Variants in FHIP2A observed in about 807,000 individuals in gnomAD.
The protein encoded by FHIP2A is family with sequence similarity 160 member B1.
FHIP2A carries 46 observed loss-of-function variants against 93.5 expected under a neutral mutation model. The observed-to-expected ratio is 0.49, with a 90% confidence interval of 0.39 to 0.63. FHIP2A has a LOEUF of 0.63. Among genes scored for constraint, FHIP2A ranks in the 20% least tolerant of loss-of-function variants. The probability of loss-of-function intolerance (pLI) is 0.00; values close to 1 mark genes in which losing one functional copy is unlikely to be tolerated. For missense variants in FHIP2A, 769 were observed against 909.7 expected, an observed-to-expected ratio of 0.85 and a Z score of 1.99; for synonymous variants, 332 against 326.5, an observed-to-expected ratio of 1.02 and a Z score of -0.18.
chr10:114,853,497 A>G (rs1407298766), intron 13 of FHIP2A, among the ~76,000 whole-genome samples: 1 of 152,218 alleles, frequency 6.6e-6, no homozygotes, highest in Non-Finnish European at 1.5e-5. Flanking sequence ...TCAAATAACA[A>G]TAAAGTAAAG....
At chr10:114,860,963 C>T in intron 15 of FHIP2A, 74 bp downstream of exon 15, 1 of 1,362,128 alleles carries the variant, frequency 7.3e-7, no homozygotes, top group Non-Finnish European at 1.0e-6. Flanking sequence ...TCATTGTATG[C>T]AGTTAGTGTC....
Position 114,855,289 on chromosome 10 carries a change from A to G in FHIP2A, c.1896A>G (p.Glu632=). The part of the protein sequence containing the change: ...EKCNLEAAFF[E]GHFLKVLFDR... ...GCAATTTAGAAGCTGCTTTCTTTGAAGGTCATTTTTTGAAAGTGCTGTTCG... is the reference window on the plus strand; with the variant it reads ...GCAATTTAGAAGCTGCTTTCTTTGAGGGTCATTTTTTGAAAGTGCTGTTCG... The change falls in exon 14 of 17, where the codon GAA becomes GAG. Residue 632 remains glutamate, a synonymous_variant. Coordinates refer to ENST00000369248, the MANE Select transcript of FHIP2A (RefSeq NM_020940.4). 2 of 1,614,034 alleles carry G rather than the reference A, an allele frequency of 1.2e-6. No individual in the cohort carries two copies. The highest frequency in any genetic ancestry group is 1.7e-6 in the Non-Finnish European group (2 of 1,179,916).
At chr10:114,890,429 A>ATGTG (rs898407071) in intron 16 of FHIP2A, among the ~76,000 whole-genome samples, 3 of 149,606 alleles carry the variant, frequency 2.0e-5, no homozygotes, top group African/African-American at 7.4e-5. Flanking sequence ...GATTATATAT[A>ATGTG]TGTGTGTGTG....
downstream of FHIP2A, among the ~76,000 whole-genome samples, chr10:114,868,690 G>T (rs796978493): frequency 4.6e-5 from 7 of 152,256 alleles, no homozygotes; most frequent in African/African-American, 1.7e-4. Flanking sequence ...GGGTCACTTT[G>T]CTCTTATATC....
chr10:114,827,522 G>T (rs907125555), intron 1 of FHIP2A, among the ~76,000 whole-genome samples: 1 of 152,320 alleles, frequency 6.6e-6, no homozygotes, highest in East Asian at 1.9e-4. Context: ...CATAGGCCGG[G>T]CCCGGTGGCT....
chr10:114,825,168 C>T (rs1055424973), intron 1 of FHIP2A, among the ~76,000 whole-genome samples: 2 of 152,130 alleles, frequency 1.3e-5, no homozygotes, highest in Non-Finnish European at 2.9e-5. Flanking sequence ...TAGGCCAGCA[C>T]CACCACACTC....
chr10:114,825,523 G>A (rs1482265056), intron 1 of FHIP2A, among the ~76,000 whole-genome samples: 1 of 152,176 alleles, frequency 6.6e-6, no homozygotes, highest in Non-Finnish European at 1.5e-5. Flanking sequence ...TTTGAGTATG[G>A]AAGATAAGTT....
In FHIP2A at chr10:114,836,248, T is replaced by TATG. The variant is rs776640040; in HGVS notation, c.522+5_522+7dup. On this transcript the variant is annotated splice_region_variant and intron_variant, in intron 5 of 16. Transcript: ENST00000369248. Reference sequence around the variant, plus strand: ...TACCTGGTTAACTTTTTCCTAGAGGTATGATACACTTTTTATCAACTTTCA... The same window carrying TATG: ...TACCTGGTTAACTTTTTCCTAGAGGTATGATGATACACTTTTTATCAACTTTCA... 3.8e-6 allele frequency: 6 copies of TATG among 1,573,742 alleles called. No homozygotes were observed. Among genetic ancestry groups the TATG allele is most frequent in the Non-Finnish European group, 5.2e-6 (6 of 1,152,450 alleles).
intron 4 of FHIP2A, 133 bp downstream of exon 4, chr10:114,835,774 G>A: frequency 1.7e-6 from 1 of 588,728 alleles, no homozygotes; most frequent in Non-Finnish European, 2.9e-6. Flanking sequence ...AAATACTTGA[G>A]CTTTCTTTAT....
intron 16 of FHIP2A, among the ~76,000 whole-genome samples, chr10:114,878,791 A>AAAAAAAAAAAAAAAAAAAAG (rs1555247326): frequency 2.2e-5 from 3 of 135,464 alleles, no homozygotes; most frequent in African/African-American, 2.8e-5. Context: ...AAAAAAAAAA[A>AAAAAAAAAAAAAAAAAAAAG]AAAGAAAGAA....
chr10:114,847,268 CTT>C (rs1415102624), intron 12 of FHIP2A, 35 bp downstream of exon 12: 2 of 1,574,466 alleles, frequency 1.3e-6, no homozygotes, highest in African/African-American at 1.4e-5. Flanking sequence ...TTCCATCTCT[CTT>C]GTTTTTTGTT....
intron 13 of FHIP2A, 149 bp from the exon 14 acceptor site, chr10:114,855,048 T>G: frequency 1.4e-6 from 1 of 692,104 alleles, no homozygotes; most frequent in Non-Finnish European, 2.4e-6. Context: ...AAGATCTGAG[T>G]CATCTCTTCC....
intron 13 of FHIP2A, among the ~76,000 whole-genome samples, chr10:114,849,220 G>A (rs1247710712): frequency 6.8e-6 from 1 of 146,936 alleles, no homozygotes; most frequent in African/African-American, 2.5e-5. Flanking sequence ...TTCACCGATT[G>A]TGTGTCTCCA....
intron 16 of FHIP2A, among the ~76,000 whole-genome samples, chr10:114,885,349 C>T (rs1355564797): frequency 6.7e-6 from 1 of 148,278 alleles, no homozygotes; most frequent in Non-Finnish European, 1.5e-5. Flanking sequence ...GAGCAGGGAT[C>T]ATGCCATTGC....
intron 16 of FHIP2A, among the ~76,000 whole-genome samples, chr10:114,887,240 T>C (rs1454395651): frequency 6.6e-6 from 1 of 152,230 alleles, no homozygotes; most frequent in East Asian, 1.9e-4. Flanking sequence ...CAGAAACCTC[T>C]TTTCTAACAG....
In FHIP2A at chr10:114,833,407, G is replaced by C. The variant is rs2083619280; in HGVS notation, c.294+5G>C. On this transcript the variant is annotated splice_donor_5th_base_variant and intron_variant, in intron 3 of 16. Coordinates refer to ENST00000369248, the MANE Select transcript of FHIP2A (RefSeq NM_020940.4). The stretch of plus-strand genomic sequence containing the variant: ...TATACCTTGGGGAAAGCTGATGTAA[G>C]TTCCTGATCCACACCATGTTCTTGG... 6.2e-7 allele frequency: 1 copy of C among 1,613,030 alleles called. No homozygotes were observed. The highest frequency in any genetic ancestry group is 8.5e-7 in the Non-Finnish European group (1 of 1,179,530).
In FHIP2A at chr10:114,885,454, A is replaced by C. The variant is rs141056287; in HGVS notation, c.2193-14036A>C. ...GACCCTTTTTCTCTATCCTGTTTTC[A>C]TTTTAAGGCTGGGAATTGTTTTTGC... On this transcript the variant is annotated intron_variant, in intron 16 of 16. Coordinates refer to the FHIP2A transcript ENST00000369250. Among the ~76,000 whole-genome samples the C allele has an allele frequency of 2.0e-5, 3 of 151,124 alleles. No homozygotes were observed. The East Asian group carries it at 5.8e-4, about 29-fold the overall frequency.
chr10:114,879,920 A>T (rs1296694685), intron 16 of FHIP2A, among the ~76,000 whole-genome samples: 2 of 152,168 alleles, frequency 1.3e-5, no homozygotes, highest in African/African-American at 2.4e-5. Flanking sequence ...CAGCCTCCCA[A>T]ATAGCTGGGA....
chr10:114,890,366 T>A (rs923664010), intron 16 of FHIP2A, among the ~76,000 whole-genome samples: 2 of 151,764 alleles, frequency 1.3e-5, no homozygotes, highest in African/African-American at 4.8e-5. Flanking sequence ...TGGAGTTTGA[T>A]ACTGGGAATA....
Sources: allele counts gnomAD v4.1 joint callset (sites outside exome capture counted in the v4.1 genomes callset), GRCh38; gene constraint gnomAD v4.1.1; transcripts MANE v1.5; gene names NCBI Gene and HGNC (gene_info 2026-07-23, HGNC 2026-07-21).